ITSN1: variants seen among roughly 807,000 people sequenced by gnomAD.
The protein encoded by ITSN1 is intersectin-1.
Under a neutral mutation model 239.8 loss-of-function variants are expected in ITSN1, and 58 were observed. The observed-to-expected ratio is 0.24, with a 90% CI of 0.20 to 0.30. The LOEUF is 0.30. Among genes scored for constraint, ITSN1 ranks in the 10% least tolerant of loss-of-function variants. ITSN1 has a pLI of 1.00. For synonymous variants in ITSN1, 780 were observed against 770.8 expected (o/e 1.01, Z -0.20); for missense variants, 1,558 against 2,103.3 (o/e 0.74, Z 5.07).
At chr21:33,789,682 A>G (rs1483573487) in intron 16 of ITSN1, among the ~76,000 whole-genome samples, 1 of 152,202 alleles carries the variant, frequency 6.6e-6, no homozygotes, top group East Asian at 1.9e-4. Flanking sequence ...TTCAAGTAAT[A>G]TTGTTTCACA....
intron 1 of ITSN1, among the ~76,000 whole-genome samples, chr21:33,679,146 C>A (rs1457261076): frequency 6.6e-6 from 1 of 152,070 alleles, no homozygotes. Context: ...AAGAGTGTTT[C>A]CCGAATCATA....
rs144657286 is a variant in ITSN1, at chr21:33,896,711, G to T, written c.*8411G>T. The T allele has an allele frequency of 6.6e-6, 1 of 152,354 alleles. No individual in the cohort carries two copies. The highest frequency in any genetic ancestry group is 1.5e-5 in the Non-Finnish European group (1 of 68,044). 9.4% of individuals were successfully genotyped at this position (152,354 alleles called of 1,614,324 possible). A position where few individuals can be genotyped will look rare whatever the true frequency, so the allele number is the denominator to read the frequency against. On this transcript the variant is annotated 3_prime_UTR_variant, in exon 40 of 40. Coordinates refer to ENST00000381318, the MANE Select transcript of ITSN1 (RefSeq NM_003024.3). ...CCGGGAGGCAGCTGACCATGAAGCT[G>T]GGCTTCCTGTTGTTGCTTTCTTTCA... is the stretch of plus-strand genomic sequence containing the variant.
intron 29 of ITSN1, among the ~76,000 whole-genome samples, chr21:33,850,736 C>T (rs921413982): frequency 6.6e-6 from 1 of 152,104 alleles, no homozygotes; most frequent in Non-Finnish European, 1.5e-5. Flanking sequence ...AGAGAACTTT[C>T]TTCACGTCAT....
intron 4 of ITSN1, among the ~76,000 whole-genome samples, chr21:33,724,217 G>A (rs1370254465): frequency 6.6e-6 from 1 of 151,946 alleles, no homozygotes; most frequent in Non-Finnish European, 1.5e-5. Flanking sequence ...CATATTGGCC[G>A]CCAGACTGTC....
chr21:33,678,817 G>T (rs371844342), intron 1 of ITSN1, among the ~76,000 whole-genome samples: 1 of 152,086 alleles, frequency 6.6e-6, no homozygotes. Flanking sequence ...GGGTTTAAGC[G>T]ATTCTCCTGC....
At chr21:33,819,779 G>A (rs1016793240) in intron 24 of ITSN1, among the ~76,000 whole-genome samples, 3 of 151,762 alleles carry the variant, frequency 2.0e-5, no homozygotes, top group South Asian at 4.2e-4. Flanking sequence ...TCAGGAGATC[G>A]AGACCATCCT....
intron 17 of ITSN1, among the ~76,000 whole-genome samples, chr21:33,795,674 A>G (rs988027418): frequency 1.3e-5 from 2 of 152,022 alleles, no homozygotes; most frequent in East Asian, 3.9e-4. Flanking sequence ...TCCTCCTTGG[A>G]TGTTGATTAA....
intron 9 of ITSN1, among the ~76,000 whole-genome samples, chr21:33,762,840 T>C (rs999208342): frequency 3.3e-5 from 5 of 151,992 alleles, no homozygotes; most frequent in African/African-American, 1.2e-4. Flanking sequence ...ATTTTTGTTT[T>C]TTTAGTAGAG....
intron 1 of ITSN1, among the ~76,000 whole-genome samples, chr21:33,676,263 A>T (rs1025597696): frequency 6.6e-6 from 1 of 152,142 alleles, no homozygotes; most frequent in Non-Finnish European, 1.5e-5. Context: ...GATTACACGC[A>T]TGAGCCATTG....
chr21:33,684,991 A>G (rs1328568449), intron 1 of ITSN1, among the ~76,000 whole-genome samples: 2 of 152,210 alleles, frequency 1.3e-5, no homozygotes, highest in African/African-American at 4.8e-5. Flanking sequence ...CTACAAAAGA[A>G]AGGAGAGTAG....
intron 21 of ITSN1, 139 bp from the exon 22 acceptor site, chr21:33,813,774 T>A (rs897663656): frequency 1.7e-5 from 10 of 588,954 alleles, no homozygotes; most frequent in African/African-American, 9.9e-5. Flanking sequence ...TTATTTATTT[T>A]TTTGGTACTT....
intron 33 of ITSN1, 82 bp from the exon 34 acceptor site, chr21:33,875,272 G>A (rs73203605): frequency 0.025 from 37,290 of 1,506,978 alleles, 567 homozygotes; most frequent in South Asian, 0.041. Flanking sequence ...CTGCCCCGCT[G>A]GGCCTGGTCC....
intron 29 of ITSN1, among the ~76,000 whole-genome samples, chr21:33,852,401 G>T (rs576834825): frequency 6.6e-6 from 1 of 152,290 alleles, no homozygotes; most frequent in South Asian, 2.1e-4. Flanking sequence ...TACCCTGAAT[G>T]CTCTGTAGCC....
At chr21:33,761,692 T>C (rs973827305) in intron 8 of ITSN1, among the ~76,000 whole-genome samples, 1 of 152,230 alleles carries the variant, frequency 6.6e-6, no homozygotes, top group African/African-American at 2.4e-5. Context: ...TTATCAAACA[T>C]CCATTTAACA....
intron 5 of ITSN1, among the ~76,000 whole-genome samples, chr21:33,748,007 ACTCTATTATT>A (rs1569087495): frequency 3.3e-4 from 50 of 152,218 alleles, no homozygotes; most frequent in Non-Finnish European, 1.5e-5. Context: ...AATAATTATA[ACTCTATTATT>A]GGGCTTATAA....
rs114035440 is a variant in ITSN1, at chr21:33,865,112, C to T, written c.3891-39C>T. The T allele has an allele frequency of 1.5e-5, 23 of 1,581,640 alleles. No individual in the cohort carries two copies. The highest frequency in any genetic ancestry group is 1.3e-4 in the African/African-American group (10 of 74,448). On this transcript the variant is annotated intron_variant, in intron 31 of 39. Coordinates refer to ENST00000381318, the MANE Select transcript of ITSN1 (RefSeq NM_003024.3). The surrounding 1 kb of genome is among the most constrained non-coding windows in gnomAD (Gnocchi z 4.4). ...AGTGTGCTGTGGTGCTGTCAGATAG[C>T]GTGAAAGCAGGGGGCTCACCTCCCG...
intron 1 of ITSN1, among the ~76,000 whole-genome samples, chr21:33,667,043 C>T (rs546314028): frequency 5.4e-4 from 82 of 152,112 alleles, no homozygotes; most frequent in African/African-American, 1.7e-3. Context: ...ATCTTGAACT[C>T]CTGGGCTTAA....
Position 33,685,431 on chromosome 21 carries a change from T to G in ITSN1, c.-32-33366T>G, listed in dbSNP as rs534704806. The stretch of plus-strand genomic sequence containing the variant: ...GTATTGAAAGGAAGAAAGAATTATT[T>G]CACCAAGAGTTGGCCTTGAAAGGAG... On this transcript the variant is annotated intron_variant, in intron 1 of 39. Coordinates refer to ENST00000381318, the MANE Select transcript of ITSN1 (RefSeq NM_003024.3). Among the ~76,000 whole-genome samples, 9 of 152,162 alleles carry G rather than the reference T, an allele frequency of 5.9e-5. No homozygotes were observed. The East Asian group carries it at 1.7e-3, about 29-fold the overall frequency.
At chr21:33,660,442 C>G (rs2089463118) in intron 1 of ITSN1, among the ~76,000 whole-genome samples, 1 of 152,050 alleles carries the variant, frequency 6.6e-6, no homozygotes, top group African/African-American at 2.4e-5. Context: ...TGTAATAAAC[C>G]TATTACATGT....
Sources: gnomAD v4.1 joint callset for allele counts (sites outside exome capture counted in the v4.1 genomes callset) on GRCh38, gnomAD v4.1.1 for gene constraint, Gnocchi (gnomAD v3.1) non-coding constraint, MANE v1.5 for transcripts, NCBI Gene and HGNC (gene_info 2026-07-23, HGNC 2026-07-21) for gene names.